Variants in TGFBR2 observed in about 807,000 individuals in gnomAD.
TGFBR2 encodes the protein TGF-beta receptor type-2.
Under a neutral mutation model 49.0 loss-of-function variants are expected in TGFBR2, and 18 were observed. The ratio of observed to expected loss-of-function variants is 0.37; its 90% confidence interval spans 0.25 to 0.54. The LOEUF is 0.54. Among genes scored for constraint, TGFBR2 ranks in the 20% least tolerant of loss-of-function variants. The pLI is 0.85. For synonymous variants in TGFBR2, 282 were observed against 275.9 expected (o/e 1.02, Z -0.22); for missense variants, 525 against 722.6 (o/e 0.73, Z 3.13).
chr3:30,650,612 G>T, intron 3 of TGFBR2, 152 bp downstream of exon 3: 1 of 811,444 alleles, frequency 1.2e-6, no homozygotes, highest in Non-Finnish European at 2.1e-6. Flanking sequence ...GGGGCTTGGG[G>T]AGTAGCAGGG....
At chr3:30,619,792 A>G (rs1283345809) in intron 1 of TGFBR2, among the ~76,000 whole-genome samples, 1 of 152,008 alleles carries the variant, frequency 6.6e-6, no homozygotes, top group East Asian at 1.9e-4. Context: ...TATCCATCCC[A>G]CTGTGATTCC....
At position 30,633,165 on chromosome 3, in the gene TGFBR2, C is replaced by T. The variant is rs536321813; in HGVS notation, c.95-11582C>T. On this transcript the variant is annotated intron_variant, in intron 1 of 6. Coordinates refer to ENST00000295754, the MANE Select transcript of TGFBR2 (RefSeq NM_003242.6). The stretch of plus-strand genomic sequence containing the variant: ...TGGCTTTGTCTTTTATTTGCTTTCT[C>T]TCATTGATATGATATGATAAGTTAT... Among the ~76,000 whole-genome samples, 5 of 152,288 alleles carry T rather than the reference C, an allele frequency of 3.3e-5. No homozygotes were observed. The South Asian group carries it at 8.3e-4, about 25-fold the overall frequency.
chr3:30,682,763 G>GT (rs1400778106), intron 5 of TGFBR2, among the ~76,000 whole-genome samples: 3 of 152,244 alleles, frequency 2.0e-5, no homozygotes, highest in East Asian at 3.9e-4. Context: ...CTTTGTAATT[G>GT]TTTTTTTGCA....
chr3:30,676,603 T>C lies in TGFBR2; in HGVS notation c.1396+2357T>C, dbSNP rs899572863. On this transcript the variant is annotated intron_variant, in intron 5 of 6. Coordinates refer to ENST00000295754, the MANE Select transcript of TGFBR2 (RefSeq NM_003242.6). The surrounding 1 kb of genome is among the most constrained non-coding windows in gnomAD (Gnocchi z 4.3). The stretch of plus-strand genomic sequence containing the variant: ...ATTTTGTTGCTCAGGTTGCCACAGC[T>C]TGGGTCACTGGTCCAAACTACCCAA... 1.3e-5 allele frequency among the ~76,000 whole-genome samples: 2 copies of C among 152,236 alleles called. No homozygotes were observed. Among genetic ancestry groups the C allele is most frequent in the Non-Finnish European group, 2.9e-5 (2 of 68,032 alleles).
chr3:30,615,862 G>A (rs1021459344), intron 1 of TGFBR2, among the ~76,000 whole-genome samples: 2 of 151,854 alleles, frequency 1.3e-5, no homozygotes, highest in Non-Finnish European at 2.9e-5. Flanking sequence ...GAGTAGCTCG[G>A]ACTAAAGGCA....
intron 1 of TGFBR2, among the ~76,000 whole-genome samples, chr3:30,624,402 G>A (rs891798294): frequency 6.6e-6 from 1 of 152,048 alleles, no homozygotes; most frequent in African/African-American, 2.4e-5. Context: ...CAGATCACGA[G>A]GTTAAGAGAT....
rs763513887 is a variant in TGFBR2 at position 30,671,617 on chromosome 3, CTTGTT to C, written c.455-14_455-10del. On this transcript the variant is annotated splice_polypyrimidine_tract_variant and intron_variant, in intron 3 of 6. Coordinates refer to ENST00000295754, the MANE Select transcript of TGFBR2 (RefSeq NM_003242.6). ...CCTACCACATCCAACTCCTTCTCTC[CTTGTT>C]TTGTTTCCCCATCAGAATATAACAC... 1 of 1,613,978 alleles carries C rather than the reference CTTGTT, an allele frequency of 6.2e-7. No individual in the cohort carries two copies. The highest frequency in any genetic ancestry group is 1.1e-5 in the South Asian group (1 of 91,074).
intron 1 of TGFBR2, among the ~76,000 whole-genome samples, chr3:30,613,169 T>C (rs1248177090): frequency 1.4e-5 from 2 of 146,892 alleles, no homozygotes; most frequent in Non-Finnish European, 3.0e-5. Context: ...TCTGAGGGAA[T>C]ATTTTCCTCC....
intron 1 of TGFBR2, among the ~76,000 whole-genome samples, chr3:30,624,912 G>A (rs1698303536): frequency 6.6e-6 from 1 of 152,102 alleles, no homozygotes; most frequent in Non-Finnish European, 1.5e-5. Flanking sequence ...TTTGTTCTCA[G>A]TGGGGATTTT....
At chr3:30,626,282 C>CAAGGTTTTAG (rs1698329658) in intron 1 of TGFBR2, 1 of 152,170 alleles carries the variant, frequency 6.6e-6, no homozygotes, top group African/African-American at 2.4e-5. Context: ...CAAATATGAG[C>CAAGGTTTTAG]AAGGTTTTAG....
At chr3:30,670,638 A>G (rs1699320209) in intron 3 of TGFBR2, among the ~76,000 whole-genome samples, 1 of 152,258 alleles carries the variant, frequency 6.6e-6, no homozygotes, top group Non-Finnish European at 1.5e-5. Flanking sequence ...CTATTTCACC[A>G]GAGCCAACAA....
chr3:30,667,733 C>T lies in TGFBR2; in HGVS notation c.455-3905C>T, dbSNP rs1021903565. ...TTTAGGAATTGTAAAATAAAATTAT[C>T]CATGATGAATCAACATTTCATCTGG... On this transcript the variant is annotated intron_variant, in intron 3 of 6. Coordinates refer to ENST00000295754, the MANE Select transcript of TGFBR2 (RefSeq NM_003242.6). Among the ~76,000 whole-genome samples the T allele has an allele frequency of 8.5e-5, 13 of 152,064 alleles. 1 individual carries two copies. Among genetic ancestry groups the T allele is most frequent in the African/African-American group, 3.1e-4 (13 of 41,404 alleles).
At chr3:30,689,001 A>C (rs1378282282) in intron 6 of TGFBR2, among the ~76,000 whole-genome samples, 1 of 152,220 alleles carries the variant, frequency 6.6e-6, no homozygotes, top group Non-Finnish European at 1.5e-5. Context: ...CTGTGCTCAC[A>C]GACTTGGGAG....
intron 3 of TGFBR2, among the ~76,000 whole-genome samples, chr3:30,671,011 G>C (rs1036865145): frequency 1.3e-5 from 2 of 152,236 alleles, no homozygotes. Flanking sequence ...AAAGATTTTG[G>C]TGCAAACTGT....
At chr3:30,656,480 A>C (rs575999096) in intron 3 of TGFBR2, among the ~76,000 whole-genome samples, 1 of 152,344 alleles carries the variant, frequency 6.6e-6, no homozygotes, top group East Asian at 1.9e-4. Context: ...GAACTGGATC[A>C]ATGAAGGAGA....
rs148428256 is a variant in TGFBR2 at position 30,678,286 on chromosome 3, G to A, written c.1396+4040G>A. 1.2e-4 allele frequency among the ~76,000 whole-genome samples: 19 copies of A among 152,222 alleles called. 1 individual carries two copies. In the South Asian group the frequency reaches 1.4e-3, roughly 12 times the overall value. On this transcript the variant is annotated intron_variant, in intron 5 of 6. Coordinates refer to ENST00000295754, the MANE Select transcript of TGFBR2 (RefSeq NM_003242.6). Reference sequence around the variant, plus strand: ...GGTCCTGCCGGGCGCGGTGGCTCACGCCTGTAATCCCAACACTTTGGGAAG... The same window carrying A: ...GGTCCTGCCGGGCGCGGTGGCTCACACCTGTAATCCCAACACTTTGGGAAG...
At chr3:30,635,107 C>T (rs1191334825) in intron 1 of TGFBR2, among the ~76,000 whole-genome samples, 1 of 152,158 alleles carries the variant, frequency 6.6e-6, no homozygotes, top group Non-Finnish European at 1.5e-5. Context: ...TTGCTTCTCC[C>T]CAGCTTTCAG....
At chr3:30,686,553 A>T (rs1559471729) in intron 5 of TGFBR2, among the ~76,000 whole-genome samples, 1 of 152,236 alleles carries the variant, frequency 6.6e-6, no homozygotes, top group Admixed American at 6.5e-5. Context: ...GAAAAGGGGA[A>T]AAAAGCAAAT....
chr3:30,650,543 A>T (rs1698864230), intron 3 of TGFBR2, 83 bp downstream of exon 3: 11 of 1,422,502 alleles, frequency 7.7e-6, no homozygotes, highest in Non-Finnish European at 1.1e-5. Flanking sequence ...CATAGAGCAC[A>T]TTCCTCCTGT....
Sources: gnomAD v4.1 joint callset for allele counts (sites outside exome capture counted in the v4.1 genomes callset) on GRCh38, gnomAD v4.1.1 for gene constraint, Gnocchi (gnomAD v3.1) non-coding constraint, MANE v1.5 for transcripts, NCBI Gene and HGNC (gene_info 2026-07-23, HGNC 2026-07-21) for gene names.